The following EXOC4 variants were observed in gnomAD, a reference collection of about 807,000 sequenced individuals.
The protein encoded by EXOC4 is SEC8-like 1.
Under a neutral mutation model 107.2 loss-of-function variants are expected in EXOC4, and 71 were observed. That is an observed-to-expected ratio of 0.66 (90% CI 0.55 to 0.81). The LOEUF (loss-of-function observed/expected upper bound fraction) is 0.81. EXOC4 is among the 30% of genes least tolerant of loss of function. The pLI is 0.00. For synonymous variants in EXOC4, 456 were observed against 441.2 expected (o/e 1.03, Z -0.42); for missense variants, 1,108 against 1,189.6 (o/e 0.93, Z 1.01).
chr7:133,626,678 G>C (rs536027460), intron 9 of EXOC4, among the ~76,000 whole-genome samples: 1 of 152,282 alleles, frequency 6.6e-6, no homozygotes, highest in South Asian at 2.1e-4. Flanking sequence ...TAGAACTAAT[G>C]AAAGTATTAT....
At chr7:133,480,220 C>T in intron 9 of EXOC4, 82 bp downstream of exon 9, 1 of 1,568,318 alleles carries the variant, frequency 6.4e-7, no homozygotes, top group Non-Finnish European at 8.7e-7. Context: ...GTCCTGCATT[C>T]ACACGATCCT....
intron 9 of EXOC4, among the ~76,000 whole-genome samples, chr7:133,582,739 AT>A (rs1396379792): frequency 7.2e-5 from 11 of 152,204 alleles, no homozygotes; most frequent in Non-Finnish European, 1.3e-4. Flanking sequence ...AGAAAAAGAC[AT>A]TTTAAATGGC....
intron 10 of EXOC4, among the ~76,000 whole-genome samples, chr7:133,672,965 C>T (rs573800580): frequency 2.0e-5 from 3 of 152,086 alleles, no homozygotes; most frequent in Non-Finnish European, 4.4e-5. Flanking sequence ...AGGAAATATG[C>T]TCTCTTCTTT....
chr7:134,082,417 C>A, the EXOC4 span, among the ~76,000 whole-genome samples: 1 of 152,124 alleles, frequency 6.6e-6, no homozygotes, highest in African/African-American at 2.4e-5. Context: ...TTTTAGCCAG[C>A]TTCTTTACTG....
At chr7:133,742,866 A>G (rs1040982386) in intron 10 of EXOC4, among the ~76,000 whole-genome samples, 4 of 152,182 alleles carry the variant, frequency 2.6e-5, no homozygotes, top group Admixed American at 6.5e-5. Context: ...TACGGGAAAC[A>G]TATTATTTTA....
chr7:134,033,467 C>T (rs748971148), intron 17 of EXOC4, among the ~76,000 whole-genome samples: 10 of 152,126 alleles, frequency 6.6e-5, no homozygotes, highest in Non-Finnish European at 1.3e-4. Flanking sequence ...AGAAACCCAC[C>T]TGTTAGCACC....
chr7:133,509,012 G>T (rs1690249520), intron 9 of EXOC4, among the ~76,000 whole-genome samples: 2 of 152,248 alleles, frequency 1.3e-5, no homozygotes, highest in South Asian at 4.1e-4. Flanking sequence ...ACTGCTGGTT[G>T]CTTAGTATCC....
intron 9 of EXOC4, among the ~76,000 whole-genome samples, chr7:133,501,680 A>G (rs1249423868): frequency 6.6e-6 from 1 of 152,154 alleles, no homozygotes; most frequent in Non-Finnish European, 1.5e-5. Flanking sequence ...TGGCTGTTTT[A>G]TGGAAGCTGG....
chr7:133,739,542 A>G (rs1413881006), intron 10 of EXOC4, among the ~76,000 whole-genome samples: 5 of 152,202 alleles, frequency 3.3e-5, no homozygotes, highest in Non-Finnish European at 7.3e-5. Context: ...CTTGGCTTAC[A>G]CATCAGTGAA....
chr7:133,360,964 G>T (rs372702147), intron 6 of EXOC4, among the ~76,000 whole-genome samples: 1 of 151,766 alleles, frequency 6.6e-6, no homozygotes, highest in African/African-American at 2.4e-5. Flanking sequence ...TTATTTATTG[G>T]CTGCCTCTAG....
At chr7:134,060,610 A>C (rs1231185362) in intron 17 of EXOC4, among the ~76,000 whole-genome samples, 1 of 152,124 alleles carries the variant, frequency 6.6e-6, no homozygotes, top group Non-Finnish European at 1.5e-5. Context: ...GGGTGACATG[A>C]TTTCATTTCA....
chr7:133,791,455 T>A (rs935062135), intron 10 of EXOC4, among the ~76,000 whole-genome samples: 2 of 152,224 alleles, frequency 1.3e-5, no homozygotes, highest in Admixed American at 6.5e-5. Flanking sequence ...ATAGGAACTT[T>A]AATATTTGTT....
chr7:133,820,094 T>C (rs1367225591), intron 11 of EXOC4, among the ~76,000 whole-genome samples: 1 of 151,202 alleles, frequency 6.6e-6, no homozygotes, highest in Non-Finnish European at 1.5e-5. Flanking sequence ...GTCTTGAGGC[T>C]AAGACCATTC....
chr7:133,786,741 T>C (rs984429255), intron 10 of EXOC4, among the ~76,000 whole-genome samples: 2 of 152,242 alleles, frequency 1.3e-5, no homozygotes, highest in Non-Finnish European at 2.9e-5. Context: ...CTGAAGGCCA[T>C]GTAAGATCCA....
intron 9 of EXOC4, among the ~76,000 whole-genome samples, chr7:133,604,281 TA>T: frequency 6.6e-6 from 1 of 152,338 alleles, no homozygotes; most frequent in East Asian, 1.9e-4. Context: ...AAAATAATGA[TA>T]AAAGTGTAGT....
rs189242460 is a variant in EXOC4 at position 133,864,939 on chromosome 7, C to T, written c.1735-30660C>T. On this transcript the variant is annotated intron_variant, in intron 11 of 17. Coordinates refer to ENST00000253861, the MANE Select transcript of EXOC4 (RefSeq NM_021807.4). ...GTTATCTTAACTAATTTTATTTGCC[C>T]AATCAGATTTAAGGTGGTTTCTAAG... 2.0e-3 allele frequency among the ~76,000 whole-genome samples: 311 copies of T among 152,114 alleles called. 1 individual carries two copies. Among genetic ancestry groups the T allele is most frequent in the Middle Eastern group, 6.8e-3 (2 of 294 alleles).
At chr7:133,342,713 AT>A (rs35282424) in intron 5 of EXOC4, among the ~76,000 whole-genome samples, 147,365 of 150,662 alleles carry the variant, frequency 0.98, 72,112 homozygotes, top group South Asian at 1. Context: ...AGCTTTGTTC[AT>A]TTTTTTTTTT....
intron 11 of EXOC4, among the ~76,000 whole-genome samples, chr7:133,829,367 A>C (rs1385891365): frequency 6.6e-6 from 1 of 152,182 alleles, no homozygotes; most frequent in Non-Finnish European, 1.5e-5. Context: ...GGGCCTTGGC[A>C]GTTCAGACAG....
rs963362890 is a variant in EXOC4 at position 134,004,913 on chromosome 7, G to A, written c.2350G>A (p.Val784Ile). The change falls in exon 16 of 18, where the codon GTT becomes ATT. Residue 784 changes from valine to isoleucine, a missense_variant and splice_region_variant. Physicochemically the swap from Val to Ile is conservative, Grantham distance 29. Coordinates refer to ENST00000253861, the MANE Select transcript of EXOC4 (RefSeq NM_021807.4). ...CLLVLHLEVR[V>I]HCFHYLIPLA... ...TCTCCCTATCTCTCTCTTTTTCAGG[G>A]TTCACTGTTTCCACTATCTTATCCC... is the stretch of plus-strand genomic sequence containing the variant. 1.2e-6 allele frequency: 2 copies of A among 1,610,408 alleles called. No homozygotes were observed. Among genetic ancestry groups the A allele is most frequent in the East Asian group, 4.5e-5 (2 of 44,852 alleles).
Sources: allele counts gnomAD v4.1 joint callset (sites outside exome capture counted in the v4.1 genomes callset), GRCh38; gene constraint gnomAD v4.1.1; transcripts MANE v1.5; gene names NCBI Gene and HGNC (gene_info 2026-07-23, HGNC 2026-07-21).